Variants in WDR72 observed in about 807,000 individuals in gnomAD.
WDR72 encodes WD repeat-containing protein 72.
Under a neutral mutation model 124.2 loss-of-function variants are expected in WDR72, and 120 were observed. That is an observed-to-expected ratio of 0.97 (90% CI 0.83 to 1.12). The LOEUF (loss-of-function observed/expected upper bound fraction) is 1.12, where lower values mean the gene tolerates loss of function less well. Among genes scored for constraint, WDR72 ranks in the 50% most tolerant of loss-of-function variants. The probability of loss-of-function intolerance (pLI) is 0.00; values close to 1 mark genes in which losing one functional copy is unlikely to be tolerated. For synonymous variants in WDR72, 452 were observed against 441.7 expected, an observed-to-expected ratio of 1.02 and a Z score of -0.29; for missense variants, 1,387 against 1,278.8, an observed-to-expected ratio of 1.08 and a Z score of -1.29.
intron 14 of WDR72, among the ~76,000 whole-genome samples, chr15:53,627,755 A>G (rs1336476501): frequency 1.3e-5 from 2 of 152,208 alleles, no homozygotes; most frequent in Non-Finnish European, 2.9e-5. Flanking sequence ...TTAGAAAAAA[A>G]ACACACAAAA....
chr15:53,731,856 A>C (rs928022256), intron 2 of WDR72, among the ~76,000 whole-genome samples: 1 of 152,168 alleles, frequency 6.6e-6, no homozygotes, highest in East Asian at 1.9e-4. Flanking sequence ...GCTAAACAAA[A>C]GTTGAATAAA....
chr15:53,736,998 AACACACACACACACACAC>A (rs67659814), intron 1 of WDR72, among the ~76,000 whole-genome samples: 28 of 141,232 alleles, frequency 2.0e-4, no homozygotes, highest in African/African-American at 4.9e-4. Flanking sequence ...GTAGATGTAA[AACACACACACACACACAC>A]ACACACACAC....
rs574940751 is a variant in WDR72 at position 53,715,662 on chromosome 15, A to T, written c.340-295T>A. ...TTTCTGGAGTGCAACTTGGAACTAAACAACAACAACAGGACCAGGCACAGT... is the reference window on the plus strand; with the variant it reads ...TTTCTGGAGTGCAACTTGGAACTAATCAACAACAACAGGACCAGGCACAGT... On this transcript the variant is annotated intron_variant, in intron 4 of 19. Transcript: ENST00000360509. Among the ~76,000 whole-genome samples, 9 of 62,338 alleles carry T rather than the reference A, an allele frequency of 1.4e-4. No homozygotes were observed. The South Asian group carries it at 3.5e-3, about 24-fold the overall frequency. 40.9% of individuals were successfully genotyped at this position (62,338 alleles called of 152,430 possible).
chr15:53,728,909 C>A (rs1262496176), intron 2 of WDR72, among the ~76,000 whole-genome samples: 2 of 152,118 alleles, frequency 1.3e-5, no homozygotes, highest in African/African-American at 4.8e-5. Context: ...TATTCTCTAG[C>A]TCCCCTGTGC....
chr15:53,732,211 C>A (rs544229383), intron 2 of WDR72, among the ~76,000 whole-genome samples: 5 of 152,128 alleles, frequency 3.3e-5, no homozygotes, highest in Non-Finnish European at 7.3e-5. Context: ...TAATTAATTA[C>A]ACTATAAAAT....
Position 53,715,175 on chromosome 15 carries a change from A to T in WDR72, c.514+18T>A. The T allele has an allele frequency of 6.2e-7, 1 of 1,613,084 alleles. No individual in the cohort carries two copies. Among genetic ancestry groups the T allele is most frequent in the Non-Finnish European group, 8.5e-7 (1 of 1,179,186 alleles). ...TTATATGCAATCTCTCTACTGTCAG[A>T]TAATATCCAACTATTACCTTGAATT... On this transcript the variant is annotated intron_variant, in intron 5 of 19. Transcript: ENST00000360509.
chr15:53,758,822 G>A (rs554392439), intron 1 of WDR72, among the ~76,000 whole-genome samples: 19 of 139,048 alleles, frequency 1.4e-4, no homozygotes, highest in African/African-American at 4.1e-4. Context: ...ATACACCTAC[G>A]TTTTGTTTAA....
At chr15:53,540,841 C>G (rs186516800) in intron 18 of WDR72, 3 of 154,642 alleles carry the variant, frequency 1.9e-5, no homozygotes, top group African/African-American at 7.2e-5. Flanking sequence ...GGAAGCCCAA[C>G]GGTCAGGGAG....
intron 3 of WDR72, among the ~76,000 whole-genome samples, chr15:53,722,239 C>T (rs1261692136): frequency 6.6e-6 from 1 of 151,624 alleles, no homozygotes; most frequent in Non-Finnish European, 1.5e-5. Flanking sequence ...TTCGTCACGT[C>T]GGCCAGGCTG....
At chr15:53,709,774 G>T (rs2017481961) in intron 9 of WDR72, among the ~76,000 whole-genome samples, 1 of 152,116 alleles carries the variant, frequency 6.6e-6, no homozygotes, top group South Asian at 2.1e-4. Context: ...CTAATTTTTG[G>T]CTGACAGTTT....
chr15:53,523,199 A>G lies in WDR72; in HGVS notation c.3253+19T>C, dbSNP rs764892168. 1.9e-6 allele frequency: 3 copies of G among 1,610,006 alleles called. No homozygotes were observed. Among genetic ancestry groups the G allele is most frequent in the Admixed American group, 1.7e-5 (1 of 59,906 alleles). On this transcript the variant is annotated intron_variant, in intron 19 of 19. Transcript: ENST00000360509. ...CAAATTTATCATTTTATACTTGACT[A>G]TTTTTAAATGGCTTTCACCTGGACT...
In WDR72 at chr15:53,615,755, C is replaced by G. The variant is rs191971924; in HGVS notation, c.2451G>C (p.Lys817Asn). 2.6e-5 allele frequency: 42 copies of G among 1,613,472 alleles called. 1 individual carries two copies. The highest frequency in any genetic ancestry group is 2.5e-4 in the East Asian group (11 of 44,870). The change falls in exon 15 of 20, where the codon AAG becomes AAC. Residue 817 changes from lysine (K) to asparagine (N), a missense_variant. Coordinates refer to ENST00000360509, the MANE Select transcript of WDR72 (RefSeq NM_182758.4). ...VDKDLDYLCI[K>N]HLNILKLQGP... ...CCTGAAGCTTTAAAATATTGAGGTGCTTAATGCAAAGATAATCTAAATCTT... is the reference window on the plus strand; with the variant it reads ...CCTGAAGCTTTAAAATATTGAGGTGGTTAATGCAAAGATAATCTAAATCTT...
At chr15:53,603,885 G>A (rs1023515876) in intron 17 of WDR72, among the ~76,000 whole-genome samples, 7 of 151,932 alleles carry the variant, frequency 4.6e-5, no homozygotes, top group Non-Finnish European at 7.4e-5. Flanking sequence ...AAGAATCAAC[G>A]TCATTAAAAT....
intron 13 of WDR72, among the ~76,000 whole-genome samples, chr15:53,693,454 C>A (rs190596939): frequency 6.6e-6 from 1 of 152,140 alleles, no homozygotes; most frequent in South Asian, 2.1e-4. Flanking sequence ...CAAATCTATA[C>A]GACAAGATTA....
chr15:53,609,226 A>G (rs999362605), intron 17 of WDR72, among the ~76,000 whole-genome samples: 1 of 152,158 alleles, frequency 6.6e-6, no homozygotes, highest in Non-Finnish European at 1.5e-5. Context: ...ATATTTTGAA[A>G]TCAAATAATG....
At chr15:53,716,182 A>G (rs939891192) in intron 4 of WDR72, among the ~76,000 whole-genome samples, 1 of 152,226 alleles carries the variant, frequency 6.6e-6, no homozygotes, top group African/African-American at 2.4e-5. Context: ...GGAAGTGATT[A>G]TAAAAGTTAT....
chr15:53,548,256 C>T (rs1266888800), intron 18 of WDR72, among the ~76,000 whole-genome samples: 1 of 152,154 alleles, frequency 6.6e-6, no homozygotes, highest in Non-Finnish European at 1.5e-5. Context: ...CTTCTAAATG[C>T]ACCCGTGGTA....
intron 18 of WDR72, among the ~76,000 whole-genome samples, chr15:53,553,145 T>G (rs1893804747): frequency 6.6e-6 from 1 of 152,040 alleles, no homozygotes; most frequent in Admixed American, 6.6e-5. Context: ...TAATGCCCGG[T>G]AGAGGGGAGA....
intron 18 of WDR72, among the ~76,000 whole-genome samples, chr15:53,529,164 A>ATATATATTTTTTTTTTT (rs59003623): frequency 5.8e-4 from 45 of 78,144 alleles, no homozygotes; most frequent in African/African-American, 2.1e-3. Context: ...ATATATATAT[A>ATATATATTTTTTTTTTT]TTTTTTTTTT....
Sources: gnomAD v4.1 joint callset for allele counts (sites outside exome capture counted in the v4.1 genomes callset) on GRCh38, gnomAD v4.1.1 for gene constraint, MANE v1.5 for transcripts, NCBI Gene and HGNC (gene_info 2026-07-23, HGNC 2026-07-21) for gene names.